The following EXT1 variants were observed in gnomAD, a reference collection of about 807,000 sequenced individuals.
EXT1 encodes the protein exostosin glycosyltransferase 1.
In EXT1, 20 loss-of-function variants were observed where a neutral mutation model predicts 82.5. The observed-to-expected ratio is 0.24, with a 90% CI of 0.17 to 0.35. EXT1 has a LOEUF of 0.35. Ranked by LOEUF, EXT1 falls within the 10% of genes least tolerant of loss-of-function variation. The pLI is 1.00. For missense variants in EXT1, 757 were observed against 936.5 expected (o/e 0.81, Z 2.50); for synonymous variants, 348 against 350.8 (o/e 0.99, Z 0.09).
intron 1 of EXT1, among the ~76,000 whole-genome samples, chr8:117,913,999 C>T (rs552923337): frequency 4.6e-5 from 7 of 152,250 alleles, no homozygotes; most frequent in African/African-American, 1.7e-4. Flanking sequence ...GACTGGACTT[C>T]CAATCTGAGG....
chr8:118,038,958 T>C (rs1403998925), intron 1 of EXT1, among the ~76,000 whole-genome samples: 18 of 152,232 alleles, frequency 1.2e-4, no homozygotes, highest in African/African-American at 3.9e-4. Flanking sequence ...GAACTTACTA[T>C]GGTCTGAAAC....
intron 1 of EXT1, among the ~76,000 whole-genome samples, chr8:118,085,744 T>C (rs1470117306): frequency 6.6e-6 from 1 of 152,138 alleles, no homozygotes; most frequent in African/African-American, 2.4e-5. Flanking sequence ...AGCAGTGTTT[T>C]TACTGAAATA....
At position 117,990,562 on chromosome 8, in the gene EXT1, A is replaced by T. The variant is rs544420796; in HGVS notation, c.962+119523T>A. ...TTGTGCCTCTCCAGTGGCTGCTGCC[A>T]TAATGCTAAGGCCGGCAAGCCTAAG... On this transcript the variant is annotated intron_variant, in intron 1 of 10. Transcript: ENST00000378204. Among the ~76,000 whole-genome samples the T allele has an allele frequency of 2.6e-5, 4 of 152,340 alleles. No homozygotes were observed. In the East Asian group the frequency reaches 7.7e-4, roughly 29 times the overall value.
intron 1 of EXT1, among the ~76,000 whole-genome samples, chr8:117,976,429 C>G (rs376550566): frequency 2.6e-5 from 4 of 152,340 alleles, no homozygotes; most frequent in South Asian, 4.1e-4. Flanking sequence ...AAAACGAATA[C>G]TGCTAGCAAG....
intron 1 of EXT1, among the ~76,000 whole-genome samples, chr8:117,878,327 T>C (rs1813005073): frequency 6.6e-6 from 1 of 152,184 alleles, no homozygotes; most frequent in South Asian, 2.1e-4. Flanking sequence ...TCAGATTTTC[T>C]ATTAGAGGCA....
At chr8:118,078,529 C>T (rs1366956714) in intron 1 of EXT1, among the ~76,000 whole-genome samples, 1 of 151,124 alleles carries the variant, frequency 6.6e-6, no homozygotes, top group Non-Finnish European at 1.5e-5. Context: ...ACTAACAAGG[C>T]TTCCTAGGTC....
At chr8:118,051,639 T>TA (rs201088298) in intron 1 of EXT1, among the ~76,000 whole-genome samples, 2,654 of 152,302 alleles carry the variant, frequency 0.017, 54 homozygotes, top group South Asian at 0.093. Context: ...TTACTAATTT[T>TA]AGAGTATGGA....
chr8:117,999,853 T>C (rs1024560562), intron 1 of EXT1, among the ~76,000 whole-genome samples: 1 of 152,280 alleles, frequency 6.6e-6, no homozygotes. Flanking sequence ...TTATTTTTCA[T>C]AGTCAGAACA....
chr8:117,853,766 A>T (rs1173627655), intron 1 of EXT1, among the ~76,000 whole-genome samples: 1 of 152,224 alleles, frequency 6.6e-6, no homozygotes, highest in African/African-American at 2.4e-5. Flanking sequence ...AATGGGGCTG[A>T]GTCTCTAAAT....
intron 1 of EXT1, among the ~76,000 whole-genome samples, chr8:117,985,264 C>G (rs951023310): frequency 6.6e-6 from 1 of 152,194 alleles, no homozygotes; most frequent in Non-Finnish European, 1.5e-5. Context: ...AAGGCACAAG[C>G]CACAGACCTC....
chr8:118,064,958 T>A (rs1395235254), intron 1 of EXT1, among the ~76,000 whole-genome samples: 1 of 151,706 alleles, frequency 6.6e-6, no homozygotes, highest in Non-Finnish European at 1.5e-5. Flanking sequence ...ATTCAAGCGA[T>A]TCTCCTGCCT....
intron 1 of EXT1, among the ~76,000 whole-genome samples, chr8:117,892,589 G>A (rs1227839731): frequency 2.0e-5 from 3 of 152,218 alleles, no homozygotes; most frequent in Non-Finnish European, 4.4e-5. Flanking sequence ...GAGCAGAGGA[G>A]AGATATGAGC....
intron 1 of EXT1, among the ~76,000 whole-genome samples, chr8:117,999,079 G>A (rs1815606640): frequency 2.0e-5 from 3 of 152,132 alleles, no homozygotes; most frequent in South Asian, 4.1e-4. Context: ...AAAACTAGGA[G>A]TGCCATCATT....
At chr8:117,805,423 C>A (rs1038479266) in intron 9 of EXT1, among the ~76,000 whole-genome samples, 3 of 152,126 alleles carry the variant, frequency 2.0e-5, no homozygotes, top group African/African-American at 7.2e-5. Flanking sequence ...ATATTTCAAT[C>A]CTGTTAGAGC....
At chr8:117,933,569 T>C (rs1419191217) in intron 1 of EXT1, among the ~76,000 whole-genome samples, 1 of 152,200 alleles carries the variant, frequency 6.6e-6, no homozygotes, top group African/African-American at 2.4e-5. Context: ...ATGAGAGCTA[T>C]GGCAGAGATT....
chr8:117,839,309 T>C (rs1162987518), intron 1 of EXT1, among the ~76,000 whole-genome samples: 1 of 152,202 alleles, frequency 6.6e-6, no homozygotes, highest in Non-Finnish European at 1.5e-5. Flanking sequence ...TGACTATAGA[T>C]TCAGTTTTAA....
intron 10 of EXT1, among the ~76,000 whole-genome samples, chr8:117,801,544 C>T (rs914291772): frequency 4.6e-5 from 7 of 151,916 alleles, no homozygotes; most frequent in Admixed American, 3.9e-4. Flanking sequence ...CTCACTCTGT[C>T]ACGCAGGCTG....
chr8:117,937,418 T>C (rs994527756), intron 1 of EXT1, among the ~76,000 whole-genome samples: 7 of 152,256 alleles, frequency 4.6e-5, no homozygotes, highest in Admixed American at 1.3e-4. Flanking sequence ...AGACGCTCCA[T>C]GGCACTCCTG....
At chr8:118,103,241 G>A (rs560504245) in intron 1 of EXT1, among the ~76,000 whole-genome samples, 1 of 152,288 alleles carries the variant, frequency 6.6e-6, no homozygotes, top group Middle Eastern at 3.4e-3. Context: ...CAATGTCCCA[G>A]ACTCAAGCAA....
Sources: gnomAD v4.1 joint callset for allele counts (sites outside exome capture counted in the v4.1 genomes callset) on GRCh38, gnomAD v4.1.1 for gene constraint, MANE v1.5 for transcripts, NCBI Gene and HGNC (gene_info 2026-07-23, HGNC 2026-07-21) for gene names.